Variants in DNAH8 observed in about 807,000 individuals in gnomAD.
The protein encoded by DNAH8 is axonemal beta dynein heavy chain 8.
A neutral mutation model predicts 562.1 loss-of-function variants in DNAH8; 382 were observed. That is an observed-to-expected ratio of 0.68 (90% confidence interval 0.63 to 0.74). The LOEUF is 0.74. DNAH8 is among the 30% of genes least tolerant of loss of function. The pLI, the probability that DNAH8 is intolerant of heterozygous loss-of-function variation, is 0.00. For missense variants in DNAH8, 5,203 were observed against 5,620.4 expected, an observed-to-expected ratio of 0.93 and a Z score of 2.37; for synonymous variants, 1,881 against 1,919.4, an observed-to-expected ratio of 0.98 and a Z score of 0.52.
intron 89 of DNAH8, among the ~76,000 whole-genome samples, chr6:39,009,348 G>A (rs1766025304): frequency 6.6e-6 from 1 of 151,820 alleles, no homozygotes; most frequent in Non-Finnish European, 1.5e-5. Flanking sequence ...AAGCAATGGT[G>A]TTGGTCATTT....
intron 65 of DNAH8, among the ~76,000 whole-genome samples, chr6:38,911,185 T>A (rs1561850927): frequency 6.6e-6 from 1 of 152,238 alleles, no homozygotes; most frequent in African/African-American, 2.4e-5. Context: ...TTTTATTTGA[T>A]CTTCACAAAA....
chr6:38,995,595 G>A (rs567663811), intron 88 of DNAH8, among the ~76,000 whole-genome samples: 1 of 152,272 alleles, frequency 6.6e-6, no homozygotes, highest in South Asian at 2.1e-4. Flanking sequence ...GTTCTCCTAG[G>A]AAATTATTTG....
chr6:38,777,095 A>G (rs967146564), intron 13 of DNAH8, among the ~76,000 whole-genome samples: 4 of 152,206 alleles, frequency 2.6e-5, no homozygotes, highest in Non-Finnish European at 4.4e-5. Flanking sequence ...TTCTAACGAT[A>G]ACACTTTTTG....
At chr6:38,844,840 T>C (rs1775152481) in intron 35 of DNAH8, among the ~76,000 whole-genome samples, 4 of 152,174 alleles carry the variant, frequency 2.6e-5, no homozygotes, top group Admixed American at 2.6e-4. Flanking sequence ...CACCTCCTCC[T>C]CTACGAAGCT....
intron 30 of DNAH8, 21 bp from the exon 31 acceptor site, chr6:38,832,301 G>A: frequency 6.7e-7 from 1 of 1,484,290 alleles, no homozygotes; most frequent in Non-Finnish European, 9.4e-7. Context: ...CTCTCAGGTT[G>A]AATATTCTTT....
At chr6:38,916,038 T>A (rs1781292740) in intron 68 of DNAH8, among the ~76,000 whole-genome samples, 1 of 152,192 alleles carries the variant, frequency 6.6e-6, no homozygotes, top group Non-Finnish European at 1.5e-5. Flanking sequence ...GGATTATAAT[T>A]TCTCATTGAT....
intron 62 of DNAH8, among the ~76,000 whole-genome samples, chr6:38,903,428 C>T (rs1780209964): frequency 6.6e-6 from 1 of 151,968 alleles, no homozygotes; most frequent in Admixed American, 6.6e-5. Context: ...TTAGAACTCA[C>T]TCATTACCAA....
At chr6:38,836,493 C>T (rs1477847875) in intron 32 of DNAH8, among the ~76,000 whole-genome samples, 2 of 136,924 alleles carry the variant, frequency 1.5e-5, no homozygotes, top group African/African-American at 2.7e-5. Flanking sequence ...AACAAAACAA[C>T]AACAACAACA....
intron 74 of DNAH8, among the ~76,000 whole-genome samples, chr6:38,928,665 C>T (rs1317312521): frequency 2.6e-5 from 4 of 152,120 alleles, no homozygotes; most frequent in African/African-American, 7.2e-5. Flanking sequence ...TTCTCCTAAT[C>T]GCCTGTTGTC....
intron 85 of DNAH8, among the ~76,000 whole-genome samples, chr6:38,977,586 G>T (rs1007018763): frequency 1.3e-5 from 2 of 152,134 alleles, no homozygotes; most frequent in Non-Finnish European, 1.5e-5. Context: ...TTCCTGGGTG[G>T]TGTAGCATCC....
intron 79 of DNAH8, among the ~76,000 whole-genome samples, chr6:38,944,436 T>C (rs1051537904): frequency 1.3e-5 from 2 of 152,152 alleles, no homozygotes; most frequent in Non-Finnish European, 2.9e-5. Flanking sequence ...CCCTTTTTGG[T>C]CCATGAGTTG....
At chr6:38,895,749 G>C (rs1449628590) in intron 59 of DNAH8, among the ~76,000 whole-genome samples, 1 of 152,080 alleles carries the variant, frequency 6.6e-6, no homozygotes, top group African/African-American at 2.4e-5. Flanking sequence ...CCCAGAAAGA[G>C]GACGCTCGTC....
chr6:38,800,213 A>ATT (rs563384958), intron 21 of DNAH8, among the ~76,000 whole-genome samples: 3 of 145,336 alleles, frequency 2.1e-5, no homozygotes, highest in Admixed American at 1.4e-4. Flanking sequence ...ATAAGTGTCT[A>ATT]TTTTTTTTTT....
intron 88 of DNAH8, among the ~76,000 whole-genome samples, chr6:38,997,306 C>T (rs980572693): frequency 2.0e-5 from 3 of 152,170 alleles, no homozygotes; most frequent in Non-Finnish European, 4.4e-5. Flanking sequence ...GTTCCCCCAC[C>T]GGCCACCAGG....
chr6:39,025,591 T>G (rs1767218271), intron 91 of DNAH8, among the ~76,000 whole-genome samples: 1 of 152,210 alleles, frequency 6.6e-6, no homozygotes, highest in Admixed American at 6.5e-5. Context: ...TCAGTGCTTA[T>G]AATTATGCCT....
chr6:38,859,594 T>G (rs968827804), intron 42 of DNAH8, among the ~76,000 whole-genome samples: 1 of 152,216 alleles, frequency 6.6e-6, no homozygotes, highest in Non-Finnish European at 1.5e-5. Context: ...TGGGCAGGAC[T>G]GGTGTTTCAC....
At chr6:38,841,515 G>A (rs1239210307) in intron 33 of DNAH8, among the ~76,000 whole-genome samples, 2 of 152,150 alleles carry the variant, frequency 1.3e-5, no homozygotes, top group African/African-American at 2.4e-5. Flanking sequence ...AAGAATAAAA[G>A]TTGTGAATGT....
intron 1 of DNAH8, among the ~76,000 whole-genome samples, chr6:38,717,837 A>G (rs975114890): frequency 3.9e-5 from 6 of 152,158 alleles, no homozygotes; most frequent in Admixed American, 3.3e-4. Context: ...GTACATGCAA[A>G]TTAGGTATTT....
chr6:38,807,243 T>C (rs1771360115), intron 23 of DNAH8, among the ~76,000 whole-genome samples: 1 of 152,218 alleles, frequency 6.6e-6, no homozygotes, highest in Non-Finnish European at 1.5e-5. Flanking sequence ...GTTATCTTCT[T>C]GTGCCCATGC....
Sources: allele counts gnomAD v4.1 joint callset (sites outside exome capture counted in the v4.1 genomes callset), GRCh38; gene constraint gnomAD v4.1.1; transcripts MANE v1.5; gene names NCBI Gene and HGNC (gene_info 2026-07-23, HGNC 2026-07-21).